The following ZBTB16 variants were observed in gnomAD, a reference collection of about 807,000 sequenced individuals.
ZBTB16 encodes zinc finger and BTB domain containing 16, also known as zinc finger and BTB domain-containing protein 16.
Under a neutral mutation model 56.8 loss-of-function variants are expected in ZBTB16, and 8 were observed. The observed-to-expected ratio is 0.14, with a 90% CI of 0.08 to 0.25. The LOEUF is 0.25. Among genes scored for constraint, ZBTB16 ranks in the 10% least tolerant of loss-of-function variants. ZBTB16 has a pLI of 1.00. For synonymous variants in ZBTB16, 363 were observed against 368.5 expected, an observed-to-expected ratio of 0.98 and a Z score of 0.17; for missense variants, 625 against 903.0, an observed-to-expected ratio of 0.69 and a Z score of 3.95.
At chr11:114,108,372 G>A (rs1183511100) in intron 2 of ZBTB16, among the ~76,000 whole-genome samples, 3 of 152,112 alleles carry the variant, frequency 2.0e-5, no homozygotes, top group Non-Finnish European at 4.4e-5. Context: ...GGCTCAGTGC[G>A]AATCTGTGAG....
At chr11:114,174,240 A>C (rs976681855) in intron 3 of ZBTB16, among the ~76,000 whole-genome samples, 1 of 151,232 alleles carries the variant, frequency 6.6e-6, no homozygotes, top group East Asian at 1.9e-4. Context: ...AGGAGGTGAG[A>C]GTTTTTCTTA....
chr11:114,216,576 C>T (rs1944103115), intron 4 of ZBTB16, among the ~76,000 whole-genome samples: 1 of 152,166 alleles, frequency 6.6e-6, no homozygotes, highest in African/African-American at 2.4e-5. Flanking sequence ...GAGGAACATT[C>T]TGGCAAGACA....
intron 2 of ZBTB16, among the ~76,000 whole-genome samples, 159 bp from the exon 3 acceptor site, chr11:114,156,178 G>A (rs1485256364): frequency 1.3e-5 from 2 of 152,200 alleles, no homozygotes; most frequent in East Asian, 1.9e-4. Context: ...CGTGATTTAC[G>A]CTGTCTGAGG....
At chr11:114,121,785 C>G (rs1193618900) in intron 2 of ZBTB16, 2 of 455,516 alleles carry the variant, frequency 4.4e-6, no homozygotes, top group Non-Finnish European at 8.8e-6. Context: ...TTTTCACAGA[C>G]ATTTCCAAAT....
chr11:114,210,224 C>T (rs1275609019), intron 4 of ZBTB16, among the ~76,000 whole-genome samples: 2 of 149,860 alleles, frequency 1.3e-5, no homozygotes, highest in Non-Finnish European at 3.0e-5. Context: ...TTGTGAGTGT[C>T]GGGTTCCCAA....
At chr11:114,156,127 A>G (rs565648583) in intron 2 of ZBTB16, among the ~76,000 whole-genome samples, 34 of 152,316 alleles carry the variant, frequency 2.2e-4, no homozygotes, top group Non-Finnish European at 4.6e-4. Flanking sequence ...GGACAAGACC[A>G]GGAATGGGTG....
intron 2 of ZBTB16, among the ~76,000 whole-genome samples, chr11:114,095,271 T>G (rs1460369528): frequency 7.3e-6 from 1 of 137,308 alleles, no homozygotes; most frequent in Non-Finnish European, 1.5e-5. Context: ...TTTTTTTTTT[T>G]GTGATGGAGT....
At chr11:114,199,165 G>C (rs934794306) in intron 4 of ZBTB16, among the ~76,000 whole-genome samples, 1 of 152,222 alleles carries the variant, frequency 6.6e-6, no homozygotes, top group Non-Finnish European at 1.5e-5. Context: ...ACGGATGCTG[G>C]GCCCCGGGAC....
intron 2 of ZBTB16, among the ~76,000 whole-genome samples, chr11:114,120,491 G>A (rs1030196970): frequency 1.3e-5 from 2 of 151,988 alleles, no homozygotes; most frequent in Non-Finnish European, 2.9e-5. Context: ...CTTTAAAGCC[G>A]AATCCTCTTT....
chr11:114,100,934 T>C (rs1237411512), intron 2 of ZBTB16, among the ~76,000 whole-genome samples: 1 of 151,754 alleles, frequency 6.6e-6, no homozygotes, highest in Admixed American at 6.6e-5. Flanking sequence ...AATGAGGAGA[T>C]ACTCACGGGA....
intron 2 of ZBTB16, among the ~76,000 whole-genome samples, chr11:114,107,266 C>T (rs1275449375): frequency 5.9e-5 from 9 of 152,130 alleles, no homozygotes; most frequent in Non-Finnish European, 1.2e-4. Flanking sequence ...CCTCACCTGC[C>T]TTGAAGCCTG....
intron 1 of ZBTB16, among the ~76,000 whole-genome samples, chr11:114,062,539 AG>A (rs1327673644): frequency 2.0e-5 from 3 of 152,200 alleles, no homozygotes; most frequent in Non-Finnish European, 4.4e-5. Flanking sequence ...TGTTCCTGTT[AG>A]TACCTAGGGA....
intron 6 of ZBTB16, 47 bp downstream of exon 6, chr11:114,247,412 G>A (rs376795953): frequency 5.0e-6 from 8 of 1,612,558 alleles, no homozygotes; most frequent in South Asian, 3.3e-5. Context: ...GGACCTGGGC[G>A]GAGGTGGGAA....
intron 2 of ZBTB16, among the ~76,000 whole-genome samples, chr11:114,088,719 G>A (rs769513662): frequency 3.3e-5 from 5 of 152,214 alleles, no homozygotes; most frequent in Non-Finnish European, 5.9e-5. Context: ...CAGTACTGGT[G>A]GGGAAGGGCC....
chr11:114,192,968 G>A (rs3782013), intron 4 of ZBTB16, among the ~76,000 whole-genome samples: 32,705 of 152,222 alleles, frequency 0.21, 3,682 homozygotes, highest in Middle Eastern at 0.32. Context: ...AGCAGCTGTG[G>A]AGGCTGTTCC....
chr11:114,145,380 A>T (rs1253041673), intron 2 of ZBTB16, among the ~76,000 whole-genome samples: 4 of 152,252 alleles, frequency 2.6e-5, no homozygotes, highest in African/African-American at 9.6e-5. Context: ...TCATAGCAGC[A>T]TTATTCGTAA....
chr11:114,105,531 C>T (rs757391594), intron 2 of ZBTB16, among the ~76,000 whole-genome samples: 3 of 152,188 alleles, frequency 2.0e-5, no homozygotes, highest in Non-Finnish European at 4.4e-5. Context: ...TGAGCCACCG[C>T]GCCCGACCCA....
At chr11:114,137,476 C>T (rs960823638) in intron 2 of ZBTB16, among the ~76,000 whole-genome samples, 1 of 152,190 alleles carries the variant, frequency 6.6e-6, no homozygotes, top group African/African-American at 2.4e-5. Context: ...TGGCCACACA[C>T]TGGTTGGGTA....
intron 3 of ZBTB16, among the ~76,000 whole-genome samples, chr11:114,171,796 C>G (rs1214637851): frequency 6.6e-6 from 1 of 152,262 alleles, no homozygotes; most frequent in East Asian, 1.9e-4. Flanking sequence ...CTATCTGCTT[C>G]CTTCCTCCAT....
Sources: gnomAD v4.1 joint callset for allele counts (sites outside exome capture counted in the v4.1 genomes callset) on GRCh38, gnomAD v4.1.1 for gene constraint, MANE v1.5 for transcripts, NCBI Gene and HGNC (gene_info 2026-07-23, HGNC 2026-07-21) for gene names.